The following EVA1C variants were observed in gnomAD, a reference collection of about 807,000 sequenced individuals.
The protein encoded by EVA1C is protein eva-1 homolog C.
A neutral mutation model predicts 45.4 loss-of-function variants in EVA1C; 25 were observed. That is an observed-to-expected ratio of 0.55 (90% CI 0.40 to 0.77). The LOEUF (loss-of-function observed/expected upper bound fraction) is 0.77. Ranked by LOEUF, EVA1C falls within the 30% of genes least tolerant of loss-of-function variation. The pLI, the probability that EVA1C is intolerant of heterozygous loss-of-function variation, is 0.00. For missense variants in EVA1C, 479 were observed against 554.8 expected, an observed-to-expected ratio of 0.86 and a Z score of 1.37; for synonymous variants, 190 against 221.2, an observed-to-expected ratio of 0.86 and a Z score of 1.25.
chr21:32,461,710 ATTTG>A (rs1278664952), intron 3 of EVA1C, among the ~76,000 whole-genome samples: 1 of 152,146 alleles, frequency 6.6e-6, no homozygotes, highest in African/African-American at 2.4e-5. Context: ...GATCGGGTTT[ATTTG>A]TTTGTCTTTA....
At chr21:32,449,769 G>A (rs749545622) in intron 1 of EVA1C, among the ~76,000 whole-genome samples, 15 of 151,930 alleles carry the variant, frequency 9.9e-5, no homozygotes, top group Admixed American at 2.0e-4. Flanking sequence ...TTACGGGGGC[G>A]TGCCACCACA....
intron 1 of EVA1C, among the ~76,000 whole-genome samples, chr21:32,417,219 G>T (rs2034083273): frequency 6.6e-6 from 1 of 152,240 alleles, no homozygotes; most frequent in African/African-American, 2.4e-5. Flanking sequence ...TGCTAGGGCT[G>T]CCATAACAGT....
At chr21:32,440,068 C>G (rs2035117358) in intron 1 of EVA1C, among the ~76,000 whole-genome samples, 1 of 152,078 alleles carries the variant, frequency 6.6e-6, no homozygotes, top group Admixed American at 6.6e-5. Context: ...CTTCCACCCT[C>G]CTGTCTGTTT....
At chr21:32,490,874 G>A (rs1325047425) in intron 4 of EVA1C, among the ~76,000 whole-genome samples, 2 of 152,222 alleles carry the variant, frequency 1.3e-5, no homozygotes, top group Non-Finnish European at 2.9e-5. Flanking sequence ...CCAGGAGTAG[G>A]CTCCAAGAGC....
At position 32,515,317 on chromosome 21, in the gene EVA1C, C is replaced by T; in HGVS notation, c.*127C>T. Reference sequence around the variant, plus strand: ...GTCATGTCATTCAACACTCGTGAGGCCAGGAAGCTATTAAAGGGATGTTTC... The same window carrying T: ...GTCATGTCATTCAACACTCGTGAGGTCAGGAAGCTATTAAAGGGATGTTTC... On this transcript the variant is annotated 3_prime_UTR_variant, in exon 8 of 8. Transcript: ENST00000300255. 9.7e-7 allele frequency: 1 copy of T among 1,032,476 alleles called. No individual in the cohort carries two copies. The highest frequency in any genetic ancestry group is 2.8e-4 in the Middle Eastern group (1 of 3,564). 64.0% of individuals were successfully genotyped at this position (1,032,476 alleles called of 1,614,324 possible).
intron 1 of EVA1C, among the ~76,000 whole-genome samples, chr21:32,425,798 G>A (rs1202341133): frequency 6.6e-6 from 1 of 152,178 alleles, no homozygotes; most frequent in African/African-American, 2.4e-5. Context: ...CTCTTAGTGA[G>A]TAGAAGCCAG....
intron 7 of EVA1C, among the ~76,000 whole-genome samples, chr21:32,510,683 G>T (rs2037918367): frequency 1.3e-5 from 2 of 152,190 alleles, no homozygotes; most frequent in African/African-American, 4.8e-5. Flanking sequence ...CTGGTTTTCA[G>T]ATAATTTCAC....
At chr21:32,472,436 A>G (rs1356982883) in intron 4 of EVA1C, among the ~76,000 whole-genome samples, 4 of 152,196 alleles carry the variant, frequency 2.6e-5, no homozygotes, top group African/African-American at 7.2e-5. Context: ...CTGGGATTAC[A>G]GGTGTGAGCC....
At chr21:32,456,309 G>C (rs181418728) in intron 2 of EVA1C, among the ~76,000 whole-genome samples, 2 of 152,168 alleles carry the variant, frequency 1.3e-5, no homozygotes, top group East Asian at 3.8e-4. Flanking sequence ...TCCCTTGACT[G>C]TCAGCAGCAA....
chr21:32,429,320 C>A (rs1388876204), intron 1 of EVA1C, among the ~76,000 whole-genome samples: 1 of 146,052 alleles, frequency 6.8e-6, no homozygotes, highest in African/African-American at 2.5e-5. Context: ...GGATTTCAGG[C>A]GTGAGCCACC....
intron 6 of EVA1C, among the ~76,000 whole-genome samples, chr21:32,502,924 C>T (rs1027416500): frequency 6.6e-6 from 1 of 152,140 alleles, no homozygotes; most frequent in African/African-American, 2.4e-5. Flanking sequence ...GACACCGCAC[C>T]CAGCTTCCAC....
At chr21:32,488,322 A>G (rs1177517060) in intron 4 of EVA1C, among the ~76,000 whole-genome samples, 2 of 152,158 alleles carry the variant, frequency 1.3e-5, no homozygotes, top group Non-Finnish European at 2.9e-5. Context: ...TACCCAGAAG[A>G]GGGATTGCTG....
chr21:32,477,324 G>C (rs1275894415), intron 4 of EVA1C, among the ~76,000 whole-genome samples: 1 of 152,092 alleles, frequency 6.6e-6, no homozygotes, highest in Admixed American at 6.5e-5. Flanking sequence ...CACAGTTTGA[G>C]GATTTCATTA....
At chr21:32,435,231 TG>T (rs923164643) in intron 1 of EVA1C, among the ~76,000 whole-genome samples, 1 of 113,210 alleles carries the variant, frequency 8.8e-6, no homozygotes, top group Admixed American at 9.2e-5. Context: ...ATTTTTTTTG[TG>T]GGGGGGAAAT....
intron 1 of EVA1C, among the ~76,000 whole-genome samples, chr21:32,444,233 A>G (rs1486367847): frequency 2.6e-5 from 4 of 152,208 alleles, no homozygotes; most frequent in African/African-American, 9.6e-5. Flanking sequence ...ATATACTCCA[A>G]TTCAATTCTG....
chr21:32,440,040 G>A (rs551936963), intron 1 of EVA1C, among the ~76,000 whole-genome samples: 14 of 152,194 alleles, frequency 9.2e-5, no homozygotes, highest in African/African-American at 3.4e-4. Flanking sequence ...CTAAGCGGGT[G>A]GGATGGGAGG....
intron 5 of EVA1C, chr21:32,497,358 G>T (rs562891701): frequency 1.6e-5 from 7 of 428,910 alleles, no homozygotes; most frequent in Non-Finnish European, 3.0e-5. Flanking sequence ...GAAACCATGG[G>T]TTTCCTGGGG....
intron 1 of EVA1C, among the ~76,000 whole-genome samples, chr21:32,438,978 G>A (rs1284230240): frequency 2.0e-5 from 3 of 152,112 alleles, no homozygotes; most frequent in South Asian, 2.1e-4. Context: ...GCTCATGCCT[G>A]TAATCCCAGC....
Position 32,457,691 on chromosome 21 carries a change from A to T in EVA1C, c.452A>T (p.Tyr151Phe), listed in dbSNP as rs747322482. ...GPDLCPGSSK[Y>F]LLVSFKCQPN... ...GACCTTTGTCCAGGAAGCAGTAAAT[A>T]CCTCCTGGTCTCCTTTAAATGCCAA... Residue 151 changes from tyrosine (Y) to phenylalanine (F), a missense_variant, in exon 3 of 8, where the codon TAC becomes TTC. Physicochemically the swap from Tyr to Phe is conservative, Grantham distance 22. Around this residue, in one of 3 missense-constraint regions of EVA1C, gnomAD observed 366 missense variants for 426.1 expected, o/e 0.86. Coordinates refer to ENST00000300255, the MANE Select transcript of EVA1C (RefSeq NM_058187.5). 6.2e-7 allele frequency: 1 copy of T among 1,613,926 alleles called. No individual in the cohort carries two copies. Among genetic ancestry groups the T allele is most frequent in the Non-Finnish European group, 8.5e-7 (1 of 1,179,946 alleles).
Sources: allele counts gnomAD v4.1 joint callset (sites outside exome capture counted in the v4.1 genomes callset), GRCh38; gene constraint gnomAD v4.1.1; regional missense constraint gnomAD v4.1.1; transcripts MANE v1.5; gene names NCBI Gene and HGNC (gene_info 2026-07-23, HGNC 2026-07-21).